The following TTN variants were observed in gnomAD, a reference collection of about 807,000 sequenced individuals.
TTN encodes connectin.
In TTN, 1,525 loss-of-function variants were observed where a neutral mutation model predicts 3,223.0. The observed-to-expected ratio is 0.47, with a 90% CI of 0.45 to 0.49. The LOEUF (loss-of-function observed/expected upper bound fraction) is 0.49, where lower values mean the gene tolerates loss of function less well. Ranked by LOEUF, TTN falls within the 20% of genes least tolerant of loss-of-function variation. The probability of loss-of-function intolerance (pLI) is 0.00; values close to 1 mark genes in which losing one functional copy is unlikely to be tolerated. For missense variants in TTN, 40,786 were observed against 43,424.0 expected (o/e 0.94, Z 5.40); for synonymous variants, 14,094 against 15,161.0 (o/e 0.93, Z 5.17).
chr2:178,588,421 T>G, intron 304 of TTN, 117 bp downstream of exon 304: 2 of 1,285,908 alleles, frequency 1.6e-6, no homozygotes, highest in South Asian at 3.5e-5. Flanking sequence ...GGAAAAATAT[T>G]TGCTAAATAC....
chr2:178,675,129 T>C lies in TTN; in HGVS notation c.34538-16A>G. On this transcript the variant is annotated splice_polypyrimidine_tract_variant and intron_variant, in intron 149 of 362. Coordinates refer to ENST00000589042, the MANE Select transcript of TTN (RefSeq NM_001267550.2). Reference sequence around the variant, plus strand: ...ACCTCAGGAACTTGAGAGACATTGATTATTTTAGACACTTAAAATGCAAGA... The same window carrying C: ...ACCTCAGGAACTTGAGAGACATTGACTATTTTAGACACTTAAAATGCAAGA... 6.5e-7 allele frequency: 1 copy of C among 1,530,372 alleles called. No homozygotes were observed. Among genetic ancestry groups the C allele is most frequent in the South Asian group, 1.3e-5 (1 of 77,808 alleles). The allele number at this position is 1,530,372 out of a possible 1,614,324, so 94.8% of individuals were successfully genotyped here. A position where few individuals can be genotyped will look rare whatever the true frequency, so the allele number is the denominator to read the frequency against.
At chr2:178,681,825 T>C in intron 135 of TTN, 87 bp from the exon 136 acceptor site, 1 of 1,169,954 alleles carries the variant, frequency 8.5e-7, no homozygotes, top group Non-Finnish European at 1.2e-6. Context: ...ATTGAAATAA[T>C]ATCTTTTATC....
intron 43 of TTN, among the ~76,000 whole-genome samples, chr2:178,760,743 T>C (rs951053673): frequency 6.6e-6 from 1 of 152,190 alleles, no homozygotes; most frequent in African/African-American, 2.4e-5. Context: ...ATAGCAAGAA[T>C]ATCTAACATC....
chr2:178,579,831 C>T lies in TTN; in HGVS notation c.67366G>A (p.Val22456Met), dbSNP rs2047288544. 1.9e-6 allele frequency: 3 copies of T among 1,613,124 alleles called. No homozygotes were observed. In the Admixed American group the frequency reaches 5.0e-5, roughly 27 times the overall value. Reference protein sequence around the residue: ...VKASQTPGPVVDLKVRSVSKS... With the variant: ...VKASQTPGPVMDLKVRSVSKS... ...GATACAGACCTCACTTTCAGGTCCA[C>T]AACTGGTCCAGGAGTTTCTAAAGCA... is the stretch of plus-strand genomic sequence containing the variant. Residue 22456 changes from valine (V) to methionine (M), a missense_variant, in exon 319 of 363, where the codon GTG becomes ATG. Coordinates refer to ENST00000589042, the MANE Select transcript of TTN (RefSeq NM_001267550.2).
At position 178,709,718 on chromosome 2, in the gene TTN, A is replaced by G. The variant is rs1420735083; in HGVS notation, c.28601T>C (p.Ile9534Thr). The change falls in exon 99 of 363, where the codon ATA becomes ACA. Residue 9534 changes from isoleucine to threonine, a missense_variant. Physicochemically the swap from Ile to Thr is moderately conservative, Grantham distance 89 (BLOSUM62 -1). Transcript: ENST00000589042. The part of the protein sequence containing the change: ...TVAWYKNNIE[I>T]QPTSNCEITF... ...TATTTCACAGTTAGAAGTTGGTTGT[A>G]TCTCTATATTATTTTTGTACCAGGC... 1 of 1,613,890 alleles carries G rather than the reference A, an allele frequency of 6.2e-7. No homozygotes were observed. The highest frequency in any genetic ancestry group is 8.5e-7 in the Non-Finnish European group (1 of 1,179,810).
chr2:178,647,264 C>A, intron 214 of TTN, 117 bp downstream of exon 214: 1 of 1,273,504 alleles, frequency 7.9e-7, no homozygotes, highest in Non-Finnish European at 1.1e-6. Flanking sequence ...TTCAGATGAC[C>A]CCCCAAATAT....
Position 178,669,622 on chromosome 2 carries a change from G to A in TTN, c.35440C>T (p.Leu11814=). 6.2e-7 allele frequency: 1 copy of A among 1,612,428 alleles called. No individual in the cohort carries two copies. Among genetic ancestry groups the A allele is most frequent in the Non-Finnish European group, 8.5e-7 (1 of 1,179,658 alleles). The change falls in exon 158 of 363, where the codon CTG becomes TTG. Residue 11814 remains leucine, a synonymous_variant. Transcript: ENST00000589042. ...GCTGGTGGAACTTCAGGCTTTTTCA[G>A]AACAGCTTCACGAACTTTTTCTTCT... ...VPEEKVREAV[L]KKPEVPPAKV... is the part of the protein sequence containing the mutation.
At chr2:178,694,555 A>G (rs2073221725) in intron 117 of TTN, 44 bp downstream of exon 117, 1 of 1,477,928 alleles carries the variant, frequency 6.8e-7, no homozygotes, top group Non-Finnish European at 9.2e-7. Context: ...ATACACATAA[A>G]TAAAAAAATT....
At chr2:178,789,263 G>C in intron 13 of TTN, 97 bp downstream of exon 13, 3 of 1,513,170 alleles carry the variant, frequency 2.0e-6, no homozygotes, top group East Asian at 4.5e-5. Context: ...GAAATTCAGA[G>C]ACTTGATATT....
At chr2:178,680,391 T>C (rs1313680958) in intron 138 of TTN, 60 bp from the exon 139 acceptor site, 1 of 1,375,000 alleles carries the variant, frequency 7.3e-7, no homozygotes, top group African/African-American at 1.5e-5. Flanking sequence ...AGCCAATGCT[T>C]GTTTTGCTGT....
intron 112 of TTN, among the ~76,000 whole-genome samples, chr2:178,698,077 A>T (rs2074040759): frequency 6.6e-6 from 1 of 152,234 alleles, no homozygotes; most frequent in Non-Finnish European, 1.5e-5. Flanking sequence ...AAAAAAGGGA[A>T]TTTTGTCATT....
At chr2:178,786,894 A>G (rs936672506) in intron 13 of TTN, among the ~76,000 whole-genome samples, 11 of 152,206 alleles carry the variant, frequency 7.2e-5, no homozygotes, top group Non-Finnish European at 1.0e-4. Flanking sequence ...AAAGAATGAA[A>G]CAAATATTAT....
chr2:178,584,133 A>G (rs910159530), intron 311 of TTN, 143 bp downstream of exon 311: 8 of 1,100,988 alleles, frequency 7.3e-6, no homozygotes, highest in Non-Finnish European at 1.0e-5. Flanking sequence ...TGTAAGAGAT[A>G]GAACATATTC....
In TTN at chr2:178,775,770, T is replaced by C; in HGVS notation, c.6094A>G (p.Arg2032Gly). The change falls in exon 28 of 363, where the codon AGG becomes GGG. Residue 2032 changes from arginine to glycine, a missense_variant. Coordinates refer to ENST00000589042, the MANE Select transcript of TTN (RefSeq NM_001267550.2). ...TGGAGAAGTTCATCTTTTGTCTTCC[T>C]GAGGAGTTCCTCATAGGATTCATCC... ...KKDESYEELL[R>G]KTKDELLHWT... The C allele has an allele frequency of 6.2e-7, 1 of 1,613,778 alleles. No individual in the cohort carries two copies. Among genetic ancestry groups the C allele is most frequent in the Non-Finnish European group, 8.5e-7 (1 of 1,179,944 alleles).
chr2:178,685,527 G>A lies in TTN; in HGVS notation c.32383C>T (p.Pro10795Ser). 6.2e-7 allele frequency: 1 copy of A among 1,612,506 alleles called. No homozygotes were observed. The highest frequency in any genetic ancestry group is 8.5e-7 in the Non-Finnish European group (1 of 1,179,204). ...HIISKRVEAE[P>S]AEVTERQEKK... Reference sequence around the variant, plus strand: ...TAAAGAGTCAGCATACCTTCAGCTGGCTCAGCTTCCACTCTCTTAGAAATA... The same window carrying A: ...TAAAGAGTCAGCATACCTTCAGCTGACTCAGCTTCCACTCTCTTAGAAATA... The change falls in exon 128 of 363, where the codon CCA becomes TCA. Residue 10795 changes from proline to serine, a missense_variant. Physicochemically the swap from Pro to Ser is moderately conservative, Grantham distance 74 (BLOSUM62 -1). Transcript: ENST00000589042.
Position 178,575,058 on chromosome 2 carries a change from T to G in TTN, c.71074A>C (p.Asn23692His), listed in dbSNP as rs780578913. Residue 23692 changes from asparagine to histidine, a missense_variant, in exon 326 of 363, where the codon AAT becomes CAT. By Grantham distance (68) the Asn-to-His change is moderately conservative. Coordinates refer to ENST00000589042, the MANE Select transcript of TTN (RefSeq NM_001267550.2). This position sits in a 1 kb window ranked among gnomAD's most constrained non-coding sequence, Gnocchi z 4.0. ...TCACTTCTGACACACTCATTGATAT[T>G]TAAAATGGTTGAAGTCGCTGTGGTT... ...FETTATSTIL[N>H]INECVRSDSG... 3.1e-6 allele frequency: 5 copies of G among 1,613,432 alleles called. No homozygotes were observed. Among genetic ancestry groups the G allele is most frequent in the Non-Finnish European group, 4.2e-6 (5 of 1,179,612 alleles).
At chr2:178,758,557 C>A (rs1019739662) in intron 44 of TTN, among the ~76,000 whole-genome samples, 1 of 152,174 alleles carries the variant, frequency 6.6e-6, no homozygotes, top group Non-Finnish European at 1.5e-5. Context: ...AGACCTGAAA[C>A]GGTCTAGCTT....
At chr2:178,744,002 A>G (rs2082977505) in intron 47 of TTN, among the ~76,000 whole-genome samples, 1 of 151,854 alleles carries the variant, frequency 6.6e-6, no homozygotes, top group Admixed American at 6.6e-5. Context: ...CATTGTCTCT[A>G]TTGCTTCTTT....
intron 250 of TTN, chr2:178,619,085 C>T: frequency 1.7e-6 from 1 of 583,848 alleles, no homozygotes; most frequent in South Asian, 2.3e-5. Context: ...AATCATAAGA[C>T]ATGCATTCCT....
Sources: gnomAD v4.1 joint callset for allele counts (sites outside exome capture counted in the v4.1 genomes callset) on GRCh38, gnomAD v4.1.1 for gene constraint, Gnocchi (gnomAD v3.1) non-coding constraint, MANE v1.5 for transcripts, NCBI Gene and HGNC (gene_info 2026-07-23, HGNC 2026-07-21) for gene names.